DNAJC15: variants seen among roughly 807,000 people sequenced by gnomAD.
DNAJC15 encodes the protein dnaJ homolog subfamily C member 15.
Under a neutral mutation model 22.4 loss-of-function variants are expected in DNAJC15, and 27 were observed. That is an observed-to-expected ratio of 1.20 (90% CI 0.89 to 1.66). DNAJC15 has a LOEUF of 1.66. Ranked by LOEUF, DNAJC15 falls within the 40% of genes most tolerant of loss-of-function variation. The pLI, the probability that DNAJC15 is intolerant of heterozygous loss-of-function variation, is 0.00. For synonymous variants in DNAJC15, 79 were observed against 63.2 expected, an observed-to-expected ratio of 1.25 and a Z score of -1.19; for missense variants, 208 against 187.1, an observed-to-expected ratio of 1.11 and a Z score of -0.65.
At chr13:43,053,058 C>T (rs2040512987) in intron 1 of DNAJC15, among the ~76,000 whole-genome samples, 1 of 152,060 alleles carries the variant, frequency 6.6e-6, no homozygotes, top group African/African-American at 2.4e-5. Context: ...TAGATTTATC[C>T]ATCTTGACTT....
chr13:43,090,819 T>C (rs925015862), intron 5 of DNAJC15, among the ~76,000 whole-genome samples: 10 of 151,778 alleles, frequency 6.6e-5, no homozygotes, highest in African/African-American at 2.4e-4. Flanking sequence ...ACCATTCTCC[T>C]GCCTCAGCCT....
chr13:43,064,540 A>G (rs2040573984), intron 1 of DNAJC15, among the ~76,000 whole-genome samples: 2 of 152,170 alleles, frequency 1.3e-5, no homozygotes, highest in Non-Finnish European at 2.9e-5. Flanking sequence ...TCAGACAAAA[A>G]TGTTTCTGTG....
intron 3 of DNAJC15, among the ~76,000 whole-genome samples, chr13:43,076,885 A>C (rs1379953566): frequency 6.6e-6 from 1 of 152,158 alleles, no homozygotes; most frequent in African/African-American, 2.4e-5. Context: ...ACCTATTAGA[A>C]ACTTTGAAAC....
At chr13:43,048,309 G>A (rs1016451077) in intron 1 of DNAJC15, among the ~76,000 whole-genome samples, 12 of 139,808 alleles carry the variant, frequency 8.6e-5, no homozygotes, top group African/African-American at 2.9e-4. Flanking sequence ...GAGAAACCTC[G>A]TCTCTACTAA....
rs1268455000 is a variant in DNAJC15 at position 43,110,145 on chromosome 13, G to C, written c.*2897G>C. The C allele has an allele frequency of 6.6e-6, 1 of 152,184 alleles. No homozygotes were observed. The highest frequency in any genetic ancestry group is 1.5e-5 in the Non-Finnish European group (1 of 68,052). 9.4% of individuals were successfully genotyped at this position (152,184 alleles called of 1,614,324 possible). ...ACAGGCTGGAGGCACCACTTCTCTG[G>C]CCAGCAAGTTGGGCCTGGTTGTTGG... On this transcript the variant is annotated 3_prime_UTR_variant, in exon 6 of 6. Coordinates refer to ENST00000379221, the MANE Select transcript of DNAJC15 (RefSeq NM_013238.3).
intron 5 of DNAJC15, among the ~76,000 whole-genome samples, chr13:43,103,519 T>TA (rs906656345): frequency 6.6e-6 from 1 of 152,248 alleles, no homozygotes. Flanking sequence ...CGTTTATTGT[T>TA]ATTTTAATCT....
chr13:43,065,260 A>G (rs1438598061), intron 1 of DNAJC15, among the ~76,000 whole-genome samples: 1 of 152,168 alleles, frequency 6.6e-6, no homozygotes, highest in African/African-American at 2.4e-5. Flanking sequence ...TCTTTCCTAA[A>G]CATTGATGTA....
intron 3 of DNAJC15, among the ~76,000 whole-genome samples, chr13:43,075,639 A>G (rs7996518): frequency 0.23 from 34,709 of 151,928 alleles, 4,551 homozygotes; most frequent in Non-Finnish European, 0.31. Flanking sequence ...TTCCTGAAAG[A>G]AACCTTAAAA....
intron 1 of DNAJC15, among the ~76,000 whole-genome samples, chr13:43,034,521 T>C (rs2040419907): frequency 6.6e-6 from 1 of 151,918 alleles, no homozygotes; most frequent in South Asian, 2.1e-4. Context: ...TTCCCCGTGT[T>C]AGCCAGGATG....
rs551982049 is a variant in DNAJC15 at position 43,081,596 on chromosome 13, G to A, written c.311+2908G>A. 5.3e-5 allele frequency among the ~76,000 whole-genome samples: 8 copies of A among 151,864 alleles called. 1 individual carries two copies. In the Middle Eastern group the frequency reaches 0.014, roughly 258 times the overall value. ...TGGGACTACAGGCGCCCACCACCAC[G>A]CCTGGCTAATTTTTTGTATTTTTAG... On this transcript the variant is annotated intron_variant, in intron 4 of 5. Coordinates refer to ENST00000379221, the MANE Select transcript of DNAJC15 (RefSeq NM_013238.3).
intron 4 of DNAJC15, among the ~76,000 whole-genome samples, chr13:43,080,384 C>T (rs1049126209): frequency 5.3e-5 from 8 of 152,166 alleles, no homozygotes; most frequent in African/African-American, 9.7e-5. Context: ...GCAAAGCCCA[C>T]GATCTCATTA....
In DNAJC15 at chr13:43,085,779, G is replaced by A. The variant is rs1457078745; in HGVS notation, c.323G>A (p.Gly108Asp). Residue 108 changes from glycine to aspartate, a missense_variant, in exon 5 of 6, where the codon GGC (glycine) becomes GAC (aspartate). Physicochemically the swap from Gly to Asp is moderately conservative, Grantham distance 94 (BLOSUM62 -1). Coordinates refer to ENST00000379221, the MANE Select transcript of DNAJC15 (RefSeq NM_013238.3). The stretch of plus-strand genomic sequence containing the variant: ...ATTTCTTTTTACAGCCCATCTGCTG[G>A]CAAGGCTAAGATTAGAACAGCTCAT... ...GLILGVSPSA[G>D]KAKIRTAHRR... The A allele has an allele frequency of 6.2e-7, 1 of 1,612,340 alleles. No individual in the cohort carries two copies. The highest frequency in any genetic ancestry group is 8.5e-7 in the Non-Finnish European group (1 of 1,179,510).
At chr13:43,033,167 A>G (rs1223416966) in intron 1 of DNAJC15, among the ~76,000 whole-genome samples, 6 of 152,222 alleles carry the variant, frequency 3.9e-5, no homozygotes, top group Non-Finnish European at 1.5e-5. Context: ...CACCTCCCAC[A>G]TTGGGGATTA....
intron 4 of DNAJC15, among the ~76,000 whole-genome samples, chr13:43,079,876 T>C (rs188467525): frequency 1.6e-3 from 245 of 152,284 alleles, no homozygotes; most frequent in Non-Finnish European, 2.5e-3. Flanking sequence ...TAAAATTCAC[T>C]TGGAAAATTC....
intron 5 of DNAJC15, among the ~76,000 whole-genome samples, chr13:43,093,229 T>G (rs1429251188): frequency 5.3e-5 from 8 of 152,154 alleles, no homozygotes; most frequent in African/African-American, 1.9e-4. Flanking sequence ...TTATAGTTAT[T>G]TGGTTTTCAG....
Position 43,078,708 on chromosome 13 carries a change from A to G in DNAJC15, c.311+20A>G. The G allele has an allele frequency of 6.2e-7, 1 of 1,608,026 alleles. No individual in the cohort carries two copies. The highest frequency in any genetic ancestry group is 2.2e-5 in the East Asian group (1 of 44,796). On this transcript the variant is annotated intron_variant, in intron 4 of 5. Transcript: ENST00000379221. ...TGTAAGGTAGGTGTGCAGCATAAGT[A>G]TTGTTTTGTTGTGTGGCCAAGCTTG...
chr13:43,095,480 G>T (rs1411754335), intron 5 of DNAJC15, among the ~76,000 whole-genome samples: 2 of 152,126 alleles, frequency 1.3e-5, no homozygotes, highest in African/African-American at 4.8e-5. Flanking sequence ...TTGAATAAAT[G>T]ACTCTAGAGT....
intron 1 of DNAJC15, among the ~76,000 whole-genome samples, chr13:43,060,162 A>T (rs1020899371): frequency 6.6e-6 from 1 of 152,124 alleles, no homozygotes; most frequent in Non-Finnish European, 1.5e-5. Context: ...GGAGCGGCGA[A>T]AAATTTTGGG....
chr13:43,059,855 T>C (rs957489891), intron 1 of DNAJC15, among the ~76,000 whole-genome samples: 3 of 151,844 alleles, frequency 2.0e-5, no homozygotes, highest in Non-Finnish European at 4.4e-5. Context: ...TTCGCGGGCA[T>C]GGGGTGGATC....
Sources: allele counts gnomAD v4.1 joint callset (sites outside exome capture counted in the v4.1 genomes callset), GRCh38; gene constraint gnomAD v4.1.1; transcripts MANE v1.5; gene names NCBI Gene and HGNC (gene_info 2026-07-23, HGNC 2026-07-21).